Variants in DCLK1 observed in about 807,000 individuals in gnomAD.
DCLK1 encodes the protein serine/threonine-protein kinase DCLK1.
DCLK1 carries 16 observed loss-of-function variants against 86.2 expected under a neutral mutation model. That is an observed-to-expected ratio of 0.19 (90% CI 0.13 to 0.28). The LOEUF (loss-of-function observed/expected upper bound fraction) is 0.28, where lower values mean the gene tolerates loss of function less well. Among genes scored for constraint, DCLK1 ranks in the 10% least tolerant of loss-of-function variants. DCLK1 has a pLI of 1.00. For synonymous variants in DCLK1, 369 were observed against 370.5 expected (o/e 1.00, Z 0.05); for missense variants, 590 against 940.2 (o/e 0.63, Z 4.87).
intron 3 of DCLK1, among the ~76,000 whole-genome samples, chr13:36,056,301 T>C (rs954206624): frequency 2.2e-5 from 2 of 92,080 alleles, no homozygotes; most frequent in Non-Finnish European, 4.3e-5. Flanking sequence ...AAATGATGAG[T>C]TCATGTCCTT....
chr13:35,791,320 C>G (rs2086703868), intron 16 of DCLK1, among the ~76,000 whole-genome samples: 1 of 150,452 alleles, frequency 6.6e-6, no homozygotes, highest in African/African-American at 2.4e-5. Flanking sequence ...AACAAGCATG[C>G]AACCAATGCA....
At chr13:35,864,950 C>T (rs1420352643) in intron 5 of DCLK1, among the ~76,000 whole-genome samples, 2 of 152,042 alleles carry the variant, frequency 1.3e-5, no homozygotes, top group African/African-American at 2.4e-5. Context: ...CCATGCCTGG[C>T]CCCAGAGCTT....
chr13:36,103,461 A>G (rs1181281182), intron 3 of DCLK1, among the ~76,000 whole-genome samples: 6 of 151,678 alleles, frequency 4.0e-5, no homozygotes. Flanking sequence ...AGCAAGGGTC[A>G]TCTTCTCAAT....
At chr13:35,786,938 C>T (rs551466072) in intron 16 of DCLK1, among the ~76,000 whole-genome samples, 1 of 152,024 alleles carries the variant, frequency 6.6e-6, no homozygotes, top group South Asian at 2.1e-4. Context: ...TTGCTTTAAA[C>T]AGATTTGGAA....
chr13:36,091,720 T>C (rs1244830945), intron 3 of DCLK1, among the ~76,000 whole-genome samples: 1 of 152,226 alleles, frequency 6.6e-6, no homozygotes, highest in East Asian at 1.9e-4. Flanking sequence ...ATATGTGTCA[T>C]ATGATAAAGC....
intron 3 of DCLK1, among the ~76,000 whole-genome samples, chr13:35,953,861 G>C (rs1016889614): frequency 6.6e-6 from 1 of 152,086 alleles, no homozygotes; most frequent in South Asian, 2.1e-4. Flanking sequence ...AAACGAAACA[G>C]GGGATATCTC....
At chr13:35,966,553 G>A (rs1023157570) in intron 3 of DCLK1, among the ~76,000 whole-genome samples, 1 of 126,814 alleles carries the variant, frequency 7.9e-6, no homozygotes, top group African/African-American at 3.1e-5. Flanking sequence ...CTCTGATGCT[G>A]AGCGGAGGCT....
intron 3 of DCLK1, among the ~76,000 whole-genome samples, chr13:36,055,903 T>C (rs921221472): frequency 3.9e-5 from 6 of 152,200 alleles, no homozygotes; most frequent in Non-Finnish European, 2.9e-5. Flanking sequence ...CATATAATGA[T>C]TGCCATTCTA....
In DCLK1 at chr13:36,087,414, A is replaced by G. The variant is rs148644647; in HGVS notation, c.723+24455T>C. On this transcript the variant is annotated intron_variant, in intron 3 of 16. Transcript: ENST00000360631. The stretch of plus-strand genomic sequence containing the variant: ...GCTAAAAGGAAAAATAAACCCTTGC[A>G]AAGGAGTCTGTGATCTTTTCGCTTA... Among the ~76,000 whole-genome samples, 1,408 of 152,330 alleles carry G rather than the reference A, an allele frequency of 9.2e-3. 15 individuals are homozygous for G. The highest frequency in any genetic ancestry group is 0.032 in the African/African-American group (1,337 of 41,566).
chr13:36,006,509 T>G (rs1437026740), intron 3 of DCLK1, among the ~76,000 whole-genome samples: 1 of 152,272 alleles, frequency 6.6e-6, no homozygotes, highest in Non-Finnish European at 1.5e-5. Flanking sequence ...AAGGCCCTCT[T>G]GTGAAACAGT....
intron 3 of DCLK1, among the ~76,000 whole-genome samples, chr13:35,977,471 C>G (rs191351908): frequency 6.6e-6 from 1 of 152,302 alleles, no homozygotes; most frequent in East Asian, 1.9e-4. Flanking sequence ...TATCACGAAG[C>G]CCTTTTGACT....
chr13:36,057,367 G>T (rs1883375165), intron 3 of DCLK1, among the ~76,000 whole-genome samples: 2 of 152,048 alleles, frequency 1.3e-5, no homozygotes, highest in Non-Finnish European at 2.9e-5. Context: ...TATAAGTGAG[G>T]ATTTAAGTGC....
Position 35,838,082 on chromosome 13 carries a change from G to A in DCLK1, c.1120+1010C>T, listed in dbSNP as rs199729196. 6.2e-3 allele frequency among the ~76,000 whole-genome samples: 740 copies of A among 118,892 alleles called. 5 individuals are homozygous for A. Among genetic ancestry groups the A allele is most frequent in the African/African-American group, 0.02 (592 of 30,048 alleles). 78.0% of individuals were successfully genotyped at this position (118,892 alleles called of 152,430 possible). On this transcript the variant is annotated intron_variant, in intron 7 of 16. Transcript: ENST00000360631. The stretch of plus-strand genomic sequence containing the variant: ...CTCCATCTCAAAAAAAAAAAGAAAA[G>A]AAAAGAAAAGAAAAAAAAGGCTTAG...
chr13:35,966,632 G>A (rs932998826), intron 3 of DCLK1, among the ~76,000 whole-genome samples: 25 of 151,848 alleles, frequency 1.6e-4, no homozygotes, highest in African/African-American at 6.0e-4. Flanking sequence ...AGCCTGCCGA[G>A]TGCCTGGGAT....
intron 3 of DCLK1, among the ~76,000 whole-genome samples, chr13:36,086,480 G>A (rs1378871710): frequency 1.4e-5 from 2 of 139,892 alleles, no homozygotes; most frequent in Non-Finnish European, 3.1e-5. Context: ...AATATTTTAA[G>A]TTCTGGGATA....
chr13:36,010,290 C>A (rs1881213756), intron 3 of DCLK1, among the ~76,000 whole-genome samples: 1 of 116,682 alleles, frequency 8.6e-6, no homozygotes, highest in Non-Finnish European at 1.7e-5. Context: ...GAGAGGTCAT[C>A]CCTGTCTTGT....
rs150866869 is a variant in DCLK1, at chr13:35,795,917, C to G, written c.1945-2438G>C. ...TCCAGCCTGGGCAACAAAAGCAAAA[C>G]TCCATCTCAAAAAAAAAAAAAAAAA... On this transcript the variant is annotated intron_variant, in intron 15 of 16. Coordinates refer to ENST00000360631, the MANE Select transcript of DCLK1 (RefSeq NM_001330071.2). 7.0e-3 allele frequency among the ~76,000 whole-genome samples: 888 copies of G among 127,186 alleles called. 10 individuals carry two copies. The highest frequency in any genetic ancestry group is 0.028 in the African/African-American group (851 of 30,354). The allele number at this position is 127,186 out of a possible 152,430, so 83.4% of individuals were successfully genotyped here. A position where few individuals can be genotyped will look rare whatever the true frequency, so the allele number is the denominator to read the frequency against.
At chr13:35,791,907 A>C (rs1197252798) in intron 16 of DCLK1, among the ~76,000 whole-genome samples, 1 of 152,224 alleles carries the variant, frequency 6.6e-6, no homozygotes, top group African/African-American at 2.4e-5. Flanking sequence ...GAATAGACAT[A>C]TATCTTGAAC....
chr13:35,823,357 A>G (rs934458565), intron 10 of DCLK1, among the ~76,000 whole-genome samples: 2 of 142,310 alleles, frequency 1.4e-5, no homozygotes, highest in Admixed American at 6.9e-5. Flanking sequence ...ATTAGGATGC[A>G]CACACACACA....
Sources: allele counts gnomAD v4.1 joint callset (sites outside exome capture counted in the v4.1 genomes callset), GRCh38; gene constraint gnomAD v4.1.1; transcripts MANE v1.5; gene names NCBI Gene and HGNC (gene_info 2026-07-23, HGNC 2026-07-21).